The following ASTN2 variants were observed in gnomAD, a reference collection of about 807,000 sequenced individuals.
The protein encoded by ASTN2 is astrotactin-2.
In ASTN2, 54 loss-of-function variants were observed where a neutral mutation model predicts 139.8. The ratio of observed to expected loss-of-function variants is 0.39; its 90% CI spans 0.31 to 0.48. ASTN2 has a LOEUF of 0.48. ASTN2 is among the 20% of genes least tolerant of loss of function. The pLI, the probability that ASTN2 is intolerant of heterozygous loss-of-function variation, is 0.95. For missense variants in ASTN2, 1,565 were observed against 1,725.1 expected, an observed-to-expected ratio of 0.91 and a Z score of 1.64; for synonymous variants, 756 against 719.5, an observed-to-expected ratio of 1.05 and a Z score of -0.81.
At chr9:116,670,314 A>C (rs1328028596) in intron 16 of ASTN2, among the ~76,000 whole-genome samples, 1 of 152,206 alleles carries the variant, frequency 6.6e-6, no homozygotes, top group East Asian at 1.9e-4. Flanking sequence ...TATGATGATG[A>C]TCATGATGAC....
At chr9:117,030,206 T>G (rs530972930) in intron 6 of ASTN2, among the ~76,000 whole-genome samples, 1 of 152,276 alleles carries the variant, frequency 6.6e-6, no homozygotes, top group South Asian at 2.1e-4. Context: ...TTGGCAAACC[T>G]TAAGCCAATA....
intron 5 of ASTN2, among the ~76,000 whole-genome samples, chr9:117,077,133 A>G (rs1277874469): frequency 6.6e-6 from 1 of 152,134 alleles, no homozygotes; most frequent in East Asian, 1.9e-4. Context: ...AGAGAGACAG[A>G]GGTTGGGAGG....
chr9:116,496,515 G>A (rs1305067232), intron 19 of ASTN2, among the ~76,000 whole-genome samples: 1 of 152,116 alleles, frequency 6.6e-6, no homozygotes, highest in Non-Finnish European at 1.5e-5. Context: ...GTTTGCTACT[G>A]TACATGATGG....
chr9:117,009,342 A>G (rs1438017056), intron 6 of ASTN2, among the ~76,000 whole-genome samples: 2 of 152,110 alleles, frequency 1.3e-5, no homozygotes, highest in East Asian at 1.9e-4. Context: ...ATATAAATGT[A>G]TAATAATAAT....
chr9:116,495,839 G>A (rs1174412888), intron 19 of ASTN2, among the ~76,000 whole-genome samples: 4 of 152,086 alleles, frequency 2.6e-5, no homozygotes, highest in South Asian at 2.1e-4. Context: ...AAGAATTCAC[G>A]GGGTATCTCC....
chr9:116,673,751 G>A (rs1043100924), intron 16 of ASTN2, among the ~76,000 whole-genome samples: 1 of 152,160 alleles, frequency 6.6e-6, no homozygotes, highest in Non-Finnish European at 1.5e-5. Context: ...GAGAGAATAT[G>A]GCCCTGGTGA....
intron 7 of ASTN2, among the ~76,000 whole-genome samples, chr9:116,999,740 A>G (rs775901350): frequency 6.6e-6 from 1 of 151,620 alleles, no homozygotes; most frequent in Non-Finnish European, 1.5e-5. Context: ...TTGTATTTTT[A>G]GTAGAGACAG....
chr9:117,142,715 C>T (rs1257618619), intron 3 of ASTN2, among the ~76,000 whole-genome samples: 1 of 152,010 alleles, frequency 6.6e-6, no homozygotes, highest in African/African-American at 2.4e-5. Context: ...AACAGAAAAG[C>T]TTGAGAAGGA....
At chr9:116,781,122 C>T (rs549178261) in intron 13 of ASTN2, among the ~76,000 whole-genome samples, 1 of 152,244 alleles carries the variant, frequency 6.6e-6, no homozygotes, top group Admixed American at 6.5e-5. Context: ...TTACATGAGC[C>T]ACCCTGCCTG....
rs183931222 is a variant in ASTN2, at chr9:117,231,156, T to C, written c.631-16414A>G. 5.3e-3 allele frequency among the ~76,000 whole-genome samples: 803 copies of C among 152,344 alleles called. 34 individuals carry two copies. The highest frequency in any genetic ancestry group is 0.048 in the Admixed American group (737 of 15,302). On this transcript the variant is annotated intron_variant, in intron 2 of 22. Transcript: ENST00000313400. The stretch of plus-strand genomic sequence containing the variant: ...GATTCAGTATATCTCATCTTCCTTG[T>C]CTGTGAAGTGATGTTAGCAGTAGTA...
chr9:116,858,146 C>A (rs1484551725), intron 11 of ASTN2, among the ~76,000 whole-genome samples: 4 of 152,182 alleles, frequency 2.6e-5, no homozygotes, highest in African/African-American at 9.7e-5. Context: ...ACTCCCCAGT[C>A]CCAGATGCCC....
chr9:117,261,275 T>G (rs1833815777), intron 2 of ASTN2, among the ~76,000 whole-genome samples: 1 of 152,134 alleles, frequency 6.6e-6, no homozygotes, highest in South Asian at 2.1e-4. Flanking sequence ...ACTAGGCAAG[T>G]TGAGGGTGTG....
At chr9:116,810,795 A>G (rs758894280) in intron 12 of ASTN2, among the ~76,000 whole-genome samples, 5 of 152,276 alleles carry the variant, frequency 3.3e-5, no homozygotes, top group Non-Finnish European at 2.9e-5. Flanking sequence ...ATAATTTGAT[A>G]AGTCTTGCCT....
chr9:117,328,973 T>C (rs1222414432), intron 1 of ASTN2, among the ~76,000 whole-genome samples: 1 of 152,134 alleles, frequency 6.6e-6, no homozygotes, highest in Non-Finnish European at 1.5e-5. Context: ...GTCTGAACTT[T>C]ATAAGGAAAG....
chr9:117,408,738 T>C (rs1305400171), intron 1 of ASTN2, among the ~76,000 whole-genome samples: 1 of 152,104 alleles, frequency 6.6e-6, no homozygotes, highest in East Asian at 1.9e-4. Flanking sequence ...AAACAGCAAA[T>C]CTGGTCCACC....
At chr9:117,327,874 C>T (rs1045861986) in intron 1 of ASTN2, among the ~76,000 whole-genome samples, 7 of 152,200 alleles carry the variant, frequency 4.6e-5, no homozygotes, top group Non-Finnish European at 1.0e-4. Context: ...CCCAGGTACT[C>T]TTTGACGGCA....
chr9:116,534,134 C>T (rs1413729961), intron 19 of ASTN2, among the ~76,000 whole-genome samples: 1 of 152,166 alleles, frequency 6.6e-6, no homozygotes, highest in African/African-American at 2.4e-5. Context: ...TCTAGATTTT[C>T]TAGCTTATCT....
chr9:117,005,286 A>G (rs1837323363), intron 7 of ASTN2, among the ~76,000 whole-genome samples: 1 of 148,880 alleles, frequency 6.7e-6, no homozygotes. Context: ...ACAGGGTTTC[A>G]CCATGTTGGC....
At chr9:116,589,475 G>C (rs1366291289) in intron 19 of ASTN2, among the ~76,000 whole-genome samples, 1 of 152,182 alleles carries the variant, frequency 6.6e-6, no homozygotes, top group Non-Finnish European at 1.5e-5. Flanking sequence ...TTCCTAATGA[G>C]TTGTGGAGAG....
Sources: allele counts gnomAD v4.1 joint callset (sites outside exome capture counted in the v4.1 genomes callset), GRCh38; gene constraint gnomAD v4.1.1; transcripts MANE v1.5; gene names NCBI Gene and HGNC (gene_info 2026-07-23, HGNC 2026-07-21).